FGGY: variants seen among roughly 807,000 people sequenced by gnomAD.
FGGY encodes the protein FGGY carbohydrate kinase domain-containing protein.
FGGY carries 72 observed loss-of-function variants against 71.3 expected under a neutral mutation model. That is an observed-to-expected ratio of 1.01 (90% CI 0.84 to 1.23). The LOEUF (loss-of-function observed/expected upper bound fraction) is 1.23. FGGY is among the 50% of genes most tolerant of loss of function. FGGY has a pLI of 0.00. For synonymous variants in FGGY, 251 were observed against 250.3 expected (o/e 1.00, Z -0.02); for missense variants, 668 against 682.3 (o/e 0.98, Z 0.23).
intron 1 of FGGY, among the ~76,000 whole-genome samples, chr1:59,304,434 C>A (rs1279540642): frequency 6.6e-6 from 1 of 151,942 alleles, no homozygotes; most frequent in Non-Finnish European, 1.5e-5. Flanking sequence ...GTATATGTCT[C>A]TTTTTATTCC....
At chr1:59,440,513 T>C (rs1229169416) in intron 5 of FGGY, among the ~76,000 whole-genome samples, 1 of 151,810 alleles carries the variant, frequency 6.6e-6, no homozygotes, top group Non-Finnish European at 1.5e-5. Context: ...GTAGTCTTCC[T>C]ATGCAAAAAT....
intron 4 of FGGY, among the ~76,000 whole-genome samples, chr1:59,377,481 A>G (rs111734582): frequency 0.022 from 3,410 of 152,240 alleles, 109 homozygotes; most frequent in African/African-American, 0.078. Flanking sequence ...CTCACTCGCT[A>G]TCATGAGAAC....
intron 4 of FGGY, among the ~76,000 whole-genome samples, chr1:59,378,400 C>T (rs1470370111): frequency 6.6e-6 from 1 of 151,914 alleles, no homozygotes; most frequent in Non-Finnish European, 1.5e-5. Context: ...TCCCCAGCCA[C>T]GCGAAACTGT....
At chr1:59,568,840 C>CAGT (rs1190833144) in intron 8 of FGGY, among the ~76,000 whole-genome samples, 4 of 152,084 alleles carry the variant, frequency 2.6e-5, no homozygotes, top group African/African-American at 9.7e-5. Context: ...CTAGGGCATA[C>CAGT]AGTAGGTAGT....
At chr1:59,639,371 C>T (rs772992126) in intron 11 of FGGY, among the ~76,000 whole-genome samples, 4 of 152,134 alleles carry the variant, frequency 2.6e-5, no homozygotes, top group Non-Finnish European at 5.9e-5. Flanking sequence ...ACTTCTATTA[C>T]TAAAAGGGAG....
intron 14 of FGGY, among the ~76,000 whole-genome samples, chr1:59,740,514 T>C (rs2098138818): frequency 6.6e-6 from 1 of 152,256 alleles, no homozygotes; most frequent in Non-Finnish European, 1.5e-5. Flanking sequence ...TTCCATCACA[T>C]TCAGAGCTTG....
intron 11 of FGGY, among the ~76,000 whole-genome samples, chr1:59,656,213 A>C (rs1379316432): frequency 1.3e-5 from 2 of 152,206 alleles, no homozygotes; most frequent in African/African-American, 4.8e-5. Context: ...AACATTCAAA[A>C]TAGGCACAGG....
At chr1:59,325,102 C>T (rs2047152788) in intron 2 of FGGY, among the ~76,000 whole-genome samples, 1 of 152,290 alleles carries the variant, frequency 6.6e-6, no homozygotes, top group South Asian at 2.1e-4. Context: ...GCCTGTAATC[C>T]CAGCACTTTG....
intron 8 of FGGY, among the ~76,000 whole-genome samples, chr1:59,573,664 T>C (rs1390574591): frequency 2.0e-5 from 3 of 152,206 alleles, no homozygotes; most frequent in East Asian, 3.8e-4. Flanking sequence ...GAAGTAGTCA[T>C]GTGAAGGCCA....
intron 6 of FGGY, among the ~76,000 whole-genome samples, chr1:59,501,309 CAAAT>C (rs975142366): frequency 3.5e-4 from 53 of 151,950 alleles, no homozygotes; most frequent in Admixed American, 8.5e-4. Context: ...AATTTTGTGT[CAAAT>C]AAATCCTCAT....
At chr1:59,668,569 G>C (rs969940564) in intron 13 of FGGY, among the ~76,000 whole-genome samples, 1 of 152,222 alleles carries the variant, frequency 6.6e-6, no homozygotes. Context: ...GCAGATGAGA[G>C]CCTTGTCTAA....
intron 8 of FGGY, among the ~76,000 whole-genome samples, chr1:59,561,268 C>T (rs1233160150): frequency 1.3e-5 from 2 of 152,180 alleles, no homozygotes; most frequent in Non-Finnish European, 2.9e-5. Context: ...GAAGGTGCCT[C>T]GCTTCCTCTT....
rs560703584 is a variant in FGGY, at chr1:59,495,997, T to C, written c.671-16314T>C. Among the ~76,000 whole-genome samples, 8 of 152,334 alleles carry C rather than the reference T, an allele frequency of 5.3e-5. No homozygotes were observed. The East Asian group carries it at 1.5e-3, about 29-fold the overall frequency. On this transcript the variant is annotated intron_variant, in intron 6 of 15. Coordinates refer to ENST00000303721, the MANE Select transcript of FGGY (RefSeq NM_018291.5). ...TTTTGGTTCCATATGAATTTTAGAATAGTTTTTTCTAGTTCTGTGAAAAAT... is the reference window on the plus strand; with the variant it reads ...TTTTGGTTCCATATGAATTTTAGAACAGTTTTTTCTAGTTCTGTGAAAAAT...
At chr1:59,301,869 A>G (rs1230177409) in intron 1 of FGGY, among the ~76,000 whole-genome samples, 1 of 146,168 alleles carries the variant, frequency 6.8e-6, no homozygotes, top group Non-Finnish European at 1.5e-5. Context: ...ACGCACCACC[A>G]CACCCAGCTG....
intron 5 of FGGY, among the ~76,000 whole-genome samples, chr1:59,427,285 C>T (rs1442755756): frequency 6.6e-6 from 1 of 152,150 alleles, no homozygotes; most frequent in Non-Finnish European, 1.5e-5. Context: ...GCCTCCCTCC[C>T]CACAAAAATC....
intron 8 of FGGY, among the ~76,000 whole-genome samples, chr1:59,605,307 G>C (rs980590653): frequency 9.2e-5 from 14 of 152,148 alleles, no homozygotes; most frequent in Admixed American, 5.2e-4. Context: ...GGCTGAAACT[G>C]AGGGGTTTTC....
chr1:59,586,406 G>A (rs1266729609), intron 8 of FGGY, among the ~76,000 whole-genome samples: 1 of 151,892 alleles, frequency 6.6e-6, no homozygotes, highest in Non-Finnish European at 1.5e-5. Flanking sequence ...CTATCGCAAG[G>A]ACAAAAAACC....
chr1:59,716,561 C>T (rs565093234), intron 14 of FGGY, among the ~76,000 whole-genome samples: 29 of 152,188 alleles, frequency 1.9e-4, no homozygotes, highest in Non-Finnish European at 2.1e-4. Flanking sequence ...GGCAAACTAG[C>T]ATCAAAGAAA....
chr1:59,373,798 C>A (rs551305955), intron 4 of FGGY, among the ~76,000 whole-genome samples: 30 of 152,194 alleles, frequency 2.0e-4, no homozygotes, highest in South Asian at 4.1e-4. Flanking sequence ...GAAAAACAAG[C>A]AATGGGGAAA....
Sources: allele counts gnomAD v4.1 joint callset (sites outside exome capture counted in the v4.1 genomes callset), GRCh38; gene constraint gnomAD v4.1.1; transcripts MANE v1.5; gene names NCBI Gene and HGNC (gene_info 2026-07-23, HGNC 2026-07-21).